Variants in TBC1D14 observed in about 807,000 individuals in gnomAD.
The protein encoded by TBC1D14 is TBC1 domain family member 14.
Under a neutral mutation model 79.0 loss-of-function variants are expected in TBC1D14, and 26 were observed. The ratio of observed to expected loss-of-function variants is 0.33; its 90% CI spans 0.24 to 0.46. TBC1D14 has a LOEUF of 0.46. Ranked by LOEUF, TBC1D14 falls within the 20% of genes least tolerant of loss-of-function variation. The probability of loss-of-function intolerance (pLI) is 1.00; values close to 1 mark genes in which losing one functional copy is unlikely to be tolerated. For synonymous variants in TBC1D14, 394 were observed against 349.9 expected, an observed-to-expected ratio of 1.13 and a Z score of -1.40; for missense variants, 769 against 887.6, an observed-to-expected ratio of 0.87 and a Z score of 1.70.
intron 12 of TBC1D14, among the ~76,000 whole-genome samples, chr4:7,023,664 G>A (rs1292162404): frequency 2.6e-5 from 4 of 152,208 alleles, no homozygotes; most frequent in East Asian, 1.9e-4. Flanking sequence ...GAGCGTGGGC[G>A]TTGGAGTCAG....
chr4:6,972,291 A>G (rs758694733), intron 3 of TBC1D14, among the ~76,000 whole-genome samples: 1 of 152,176 alleles, frequency 6.6e-6, no homozygotes, highest in African/African-American at 2.4e-5. Flanking sequence ...GTTGTGATCA[A>G]TGTTGTGAAG....
chr4:6,987,283 A>AGGCC, intron 3 of TBC1D14: 1 of 1,338,440 alleles, frequency 7.5e-7, no homozygotes, highest in Non-Finnish European at 9.6e-7. Context: ...GGAGGGAGGG[A>AGGCC]GGCCGGCCCT....
At chr4:7,015,366 G>A (rs1321110083) in intron 12 of TBC1D14, among the ~76,000 whole-genome samples, 1 of 152,170 alleles carries the variant, frequency 6.6e-6, no homozygotes, top group Non-Finnish European at 1.5e-5. Context: ...TCTTGACTGC[G>A]GTTGGGGAAG....
In TBC1D14 at chr4:7,030,446, C is replaced by T; in HGVS notation, c.*54C>T. The T allele has an allele frequency of 2.5e-6, 4 of 1,593,188 alleles. No individual in the cohort carries two copies. Among genetic ancestry groups the T allele is most frequent in the Non-Finnish European group, 3.4e-6 (4 of 1,162,464 alleles). ...CAATCAGAGCCCCATGCCGCGGCCC[C>T]TCTGTTGTTTCAGACTGACACCCGG... is the stretch of plus-strand genomic sequence containing the variant. On this transcript the variant is annotated 3_prime_UTR_variant, in exon 14 of 14. Transcript: ENST00000409757.
At chr4:6,920,408 G>T (rs1276066401) in intron 1 of TBC1D14, among the ~76,000 whole-genome samples, 1 of 152,072 alleles carries the variant, frequency 6.6e-6, no homozygotes, top group African/African-American at 2.4e-5. Flanking sequence ...TTGAGTAACT[G>T]GGACTACAGG....
At chr4:7,010,873 A>G (rs543015032) in intron 11 of TBC1D14, 92 bp downstream of exon 11, 196 of 1,435,030 alleles carry the variant, frequency 1.4e-4, no homozygotes, top group Non-Finnish European at 1.8e-4. Flanking sequence ...AAAAAAGAAT[A>G]CATTTTCTCT....
chr4:7,026,124 A>G (rs1436044084), intron 13 of TBC1D14, among the ~76,000 whole-genome samples: 1 of 150,016 alleles, frequency 6.7e-6, no homozygotes, highest in African/African-American at 2.5e-5. Flanking sequence ...ATCCCACCTC[A>G]GCCCCCCGAA....
chr4:6,923,546 A>C lies in TBC1D14; in HGVS notation c.157A>C (p.Arg53=). ...APEYGPKLKL[R]ALEDRHSLQS... ...TGAGTACGGGCCCAAGCTGAAACTC[A>C]GGGCTTTAGAAGACCGGCACAGCCT... is the stretch of plus-strand genomic sequence containing the variant. The change falls in exon 2 of 14, where the codon AGG becomes CGG. Residue 53 remains arginine (R), a synonymous_variant. Coordinates refer to ENST00000409757, the MANE Select transcript of TBC1D14 (RefSeq NM_020773.3). 6.2e-7 allele frequency: 1 copy of C among 1,614,158 alleles called. No homozygotes were observed. Among genetic ancestry groups the C allele is most frequent in the Non-Finnish European group, 8.5e-7 (1 of 1,180,030 alleles).
intron 3 of TBC1D14, among the ~76,000 whole-genome samples, chr4:6,986,240 C>T (rs1050891101): frequency 1.3e-5 from 2 of 152,334 alleles, no homozygotes; most frequent in Middle Eastern, 3.4e-3. Flanking sequence ...GGCCATTTCC[C>T]TGCTGCTCAT....
chr4:6,946,549 C>A (rs1713483489), intron 2 of TBC1D14, among the ~76,000 whole-genome samples: 1 of 152,158 alleles, frequency 6.6e-6, no homozygotes, highest in African/African-American at 2.4e-5. Context: ...TCTCGAACTC[C>A]TAACCTTGTG....
intron 2 of TBC1D14, among the ~76,000 whole-genome samples, chr4:6,926,357 A>C (rs1283585776): frequency 6.6e-6 from 1 of 152,122 alleles, no homozygotes; most frequent in East Asian, 1.9e-4. Flanking sequence ...CAGCTGACTG[A>C]GCTGTGTATA....
chr4:6,998,172 C>T (rs1262812634), intron 5 of TBC1D14, among the ~76,000 whole-genome samples: 2 of 151,934 alleles, frequency 1.3e-5, no homozygotes, highest in African/African-American at 4.8e-5. Flanking sequence ...CCAGCCTGGC[C>T]AACATGGTAA....
At chr4:6,924,300 T>C (rs1460083497) in intron 2 of TBC1D14, among the ~76,000 whole-genome samples, 189 bp downstream of exon 2, 3 of 86,926 alleles carry the variant, frequency 3.5e-5, no homozygotes, top group African/African-American at 1.0e-4. Flanking sequence ...GGGGATTCTG[T>C]TCTTCGGTGT....
chr4:6,964,287 C>G (rs545821557), intron 2 of TBC1D14, among the ~76,000 whole-genome samples: 1 of 152,266 alleles, frequency 6.6e-6, no homozygotes, highest in East Asian at 1.9e-4. Context: ...CTCACCCAGA[C>G]TTCTCCTTTC....
intron 1 of TBC1D14, among the ~76,000 whole-genome samples, chr4:6,917,246 C>T (rs971304418): frequency 4.6e-5 from 7 of 152,280 alleles, no homozygotes; most frequent in African/African-American, 7.2e-5. Flanking sequence ...ATTAATTCAG[C>T]GAGTAGATTT....
At chr4:6,951,271 G>A (rs1714011865) in intron 2 of TBC1D14, among the ~76,000 whole-genome samples, 1 of 151,986 alleles carries the variant, frequency 6.6e-6, no homozygotes, top group African/African-American at 2.4e-5. Flanking sequence ...CAGCCTGGGC[G>A]GCAGAGCAAG....
At chr4:7,008,311 A>G (rs1720414404) in intron 9 of TBC1D14, among the ~76,000 whole-genome samples, 5 of 152,268 alleles carry the variant, frequency 3.3e-5, no homozygotes, top group Admixed American at 3.3e-4. Flanking sequence ...AAAGTAGCTT[A>G]GTAACCTTTC....
At chr4:7,007,650 A>G (rs1392318971) in intron 9 of TBC1D14, 7 of 1,265,206 alleles carry the variant, frequency 5.5e-6, no homozygotes, top group Non-Finnish European at 6.2e-6. Context: ...CGAGCACCCC[A>G]CTGGCTTGCA....
At chr4:6,959,137 G>C (rs1471206701) in intron 2 of TBC1D14, among the ~76,000 whole-genome samples, 1 of 151,930 alleles carries the variant, frequency 6.6e-6, no homozygotes, top group Non-Finnish European at 1.5e-5. Flanking sequence ...CGCCCGCCTC[G>C]GCCTCCCAAA....
Sources: allele counts gnomAD v4.1 joint callset (sites outside exome capture counted in the v4.1 genomes callset), GRCh38; gene constraint gnomAD v4.1.1; transcripts MANE v1.5; gene names NCBI Gene and HGNC (gene_info 2026-07-23, HGNC 2026-07-21).